The following EPS8 variants were observed in gnomAD, a reference collection of about 807,000 sequenced individuals.
EPS8 encodes EGFR pathway substrate 8, signaling adaptor.
Under a neutral mutation model 103.8 loss-of-function variants are expected in EPS8, and 42 were observed. The ratio of observed to expected loss-of-function variants is 0.40; its 90% CI spans 0.32 to 0.52. The LOEUF (loss-of-function observed/expected upper bound fraction) is 0.52, where lower values mean the gene tolerates loss of function less well. Ranked by LOEUF, EPS8 falls within the 20% of genes least tolerant of loss-of-function variation. The probability of loss-of-function intolerance (pLI) is 0.40; values close to 1 mark genes in which losing one functional copy is unlikely to be tolerated. For synonymous variants in EPS8, 344 were observed against 344.6 expected (o/e 1.00, Z 0.02); for missense variants, 969 against 1,005.1 (o/e 0.96, Z 0.49).
chr12:15,639,099 T>C (rs561734423), intron 17 of EPS8, among the ~76,000 whole-genome samples: 2 of 152,212 alleles, frequency 1.3e-5, no homozygotes, highest in Non-Finnish European at 2.9e-5. Flanking sequence ...ACTTAAAATA[T>C]AAACTCTTGC....
At position 15,777,121 on chromosome 12, in the gene EPS8, T is replaced by C. The variant is rs1470228179; in HGVS notation, c.-22+12040A>G. On this transcript the variant is annotated intron_variant, in intron 1 of 20. Transcript: ENST00000281172. The surrounding 1 kb of genome is among the most constrained non-coding windows in gnomAD (Gnocchi z 4.7). ...TGGAGGAAGGACATTGGAGGTAAGA[T>C]GAAGTCACTTTTATATCTATTTTAA... Among the ~76,000 whole-genome samples, 2 of 152,150 alleles carry C rather than the reference T, an allele frequency of 1.3e-5. No homozygotes were observed. The highest frequency in any genetic ancestry group is 2.9e-5 in the Non-Finnish European group (2 of 68,018).
At chr12:15,659,345 TA>T (rs549176921) in intron 10 of EPS8, among the ~76,000 whole-genome samples, 28 of 151,698 alleles carry the variant, frequency 1.8e-4, no homozygotes, top group Non-Finnish European at 3.2e-4. Context: ...AAAGCAGGGT[TA>T]AAAAAAATGA....
intron 1 of EPS8, among the ~76,000 whole-genome samples, chr12:15,788,647 C>T (rs987255003): frequency 6.6e-6 from 1 of 152,138 alleles, no homozygotes; most frequent in Non-Finnish European, 1.5e-5. Flanking sequence ...TAGGCATTGA[C>T]AACGATTCCG....
In EPS8 at chr12:15,757,636, A is replaced by AAAAAAG. The variant is rs1004582495; in HGVS notation, c.-22+31519_-22+31524dup. Among the ~76,000 whole-genome samples the AAAAAAG allele has an allele frequency of 7.2e-5, 11 of 152,178 alleles. No individual in the cohort carries two copies. The highest frequency in any genetic ancestry group is 6.8e-3 in the Middle Eastern group (2 of 294). ...AGAGCGAGACTCCGTCTGAAGAAAAAAAAAAGAAAAAGAAAAAGAAAAAGA... is the reference window on the plus strand; with the variant it reads ...AGAGCGAGACTCCGTCTGAAGAAAAAAAAAAGAAAAAGAAAAAGAAAAAGAAAAAGA... On this transcript the variant is annotated intron_variant, in intron 1 of 20. Transcript: ENST00000281172. This position sits in a 1 kb window ranked among gnomAD's most constrained non-coding sequence, Gnocchi z 4.1.
At chr12:15,668,940 G>A (rs548415568) in intron 6 of EPS8, among the ~76,000 whole-genome samples, 3 of 152,278 alleles carry the variant, frequency 2.0e-5, no homozygotes, top group Non-Finnish European at 2.9e-5. Flanking sequence ...TGCCCAGGCT[G>A]GAGTGCAGAG....
Position 15,725,159 on chromosome 12 carries a change from A to C in EPS8, c.-21-42187T>G, listed in dbSNP as rs1441975104. ...ACCAGTCCACAGATCTGTGTCAATA[A>C]ATCAGGATAAGCCAGCAAATCTGAT... is the stretch of plus-strand genomic sequence containing the variant. On this transcript the variant is annotated intron_variant, in intron 1 of 20. Coordinates refer to ENST00000281172, the MANE Select transcript of EPS8 (RefSeq NM_004447.6). This position sits in a 1 kb window ranked among gnomAD's most constrained non-coding sequence, Gnocchi z 4.5. Among the ~76,000 whole-genome samples the C allele has an allele frequency of 1.3e-5, 2 of 152,172 alleles. No individual in the cohort carries two copies. The highest frequency in any genetic ancestry group is 4.8e-5 in the African/African-American group (2 of 41,436).
intron 6 of EPS8, among the ~76,000 whole-genome samples, 182 bp from the exon 7 acceptor site, chr12:15,666,704 T>C (rs752297833): frequency 2.6e-5 from 4 of 152,216 alleles, no homozygotes; most frequent in African/African-American, 4.8e-5. Context: ...AACTATATAA[T>C]GATAAGATTT....
At position 15,749,640 on chromosome 12, in the gene EPS8, T is replaced by C. The variant is rs1051849856; in HGVS notation, c.-22+39521A>G. On this transcript the variant is annotated intron_variant, in intron 1 of 20. Coordinates refer to ENST00000281172, the MANE Select transcript of EPS8 (RefSeq NM_004447.6). This position sits in a 1 kb window ranked among gnomAD's most constrained non-coding sequence, Gnocchi z 4.0. ...ATGATGACAATAACCATTATGATAG[T>C]GGTAGTGGTAGGAAGAAAAATTAAC... 1.3e-5 allele frequency among the ~76,000 whole-genome samples: 2 copies of C among 152,144 alleles called. No individual in the cohort carries two copies. Among genetic ancestry groups the C allele is most frequent in the Admixed American group, 6.5e-5 (1 of 15,270 alleles).
intron 1 of EPS8, among the ~76,000 whole-genome samples, chr12:15,711,781 G>T (rs1472166138): frequency 6.6e-6 from 1 of 152,068 alleles, no homozygotes; most frequent in Non-Finnish European, 1.5e-5. Context: ...GTATATAAGG[G>T]TCTTAAGAAA....
chr12:15,726,938 A>G (rs1591900199), intron 1 of EPS8, among the ~76,000 whole-genome samples: 1 of 152,348 alleles, frequency 6.6e-6, no homozygotes, highest in South Asian at 2.1e-4. Flanking sequence ...TATTTTCATT[A>G]CTGAAAGTTA....
At position 15,697,665 on chromosome 12, in the gene EPS8, A is replaced by G. The variant is rs76682728; in HGVS notation, c.-21-14693T>C. ...TTTTACCCAAAAATCACATGCTCAC[A>G]TGACCTCTAAAAAGAACTACATGGA... is the stretch of plus-strand genomic sequence containing the variant. On this transcript the variant is annotated intron_variant, in intron 1 of 20. Transcript: ENST00000281172. The surrounding 1 kb of genome is among the most constrained non-coding windows in gnomAD (Gnocchi z 5.6). Among the ~76,000 whole-genome samples, 264 of 152,358 alleles carry G rather than the reference A, an allele frequency of 1.7e-3. 10 individuals are homozygous for G. The East Asian group carries it at 0.048, about 28-fold the overall frequency.
chr12:15,705,130 A>G lies in EPS8; in HGVS notation c.-21-22158T>C, dbSNP rs539112616. ...CTGGTCTAGTTTTATACCAACTCCT[A>G]TTTTCTGGTCCAGTTCTAACATTAT... On this transcript the variant is annotated intron_variant, in intron 1 of 20. Coordinates refer to ENST00000281172, the MANE Select transcript of EPS8 (RefSeq NM_004447.6). Among the ~76,000 whole-genome samples, 25 of 152,162 alleles carry G rather than the reference A, an allele frequency of 1.6e-4. No homozygotes were observed. In the South Asian group the frequency reaches 5.2e-3, roughly 32 times the overall value.
intron 1 of EPS8, among the ~76,000 whole-genome samples, chr12:15,774,567 TATATATATACACATATAA>T (rs1466537460): frequency 2.7e-5 from 4 of 148,292 alleles, no homozygotes; most frequent in Non-Finnish European, 5.9e-5. Context: ...TATACATATA[TATATATATACACATATAA>T]ATATATATGT....
At chr12:15,707,630 C>T (rs1050512631) in intron 1 of EPS8, among the ~76,000 whole-genome samples, 1 of 151,802 alleles carries the variant, frequency 6.6e-6, no homozygotes. Flanking sequence ...TATCGCCTTG[C>T]TCTTCCCTCT....
rs1591873728 is a variant in EPS8, at chr12:15,702,012, G to C, written c.-21-19040C>G. On this transcript the variant is annotated intron_variant, in intron 1 of 20. Transcript: ENST00000281172. The surrounding 1 kb of genome is among the most constrained non-coding windows in gnomAD (Gnocchi z 5.1). ...ATTTATAACTGGTTCATGGAAACTA[G>C]TTTAAATATTAAATGACTACACATG... 1.3e-5 allele frequency among the ~76,000 whole-genome samples: 2 copies of C among 152,192 alleles called. No homozygotes were observed. The highest frequency in any genetic ancestry group is 3.8e-4 in the East Asian group (2 of 5,198).
At position 15,706,141 on chromosome 12, in the gene EPS8, G is replaced by A. The variant is rs1361336630; in HGVS notation, c.-21-23169C>T. On this transcript the variant is annotated intron_variant, in intron 1 of 20. Coordinates refer to ENST00000281172, the MANE Select transcript of EPS8 (RefSeq NM_004447.6). This position sits in a 1 kb window ranked among gnomAD's most constrained non-coding sequence, Gnocchi z 5.2. ...TCTCTCTAATTCTGCAAACCAGTAT[G>A]GTAAACATCTTGTAAAATGGTCCCT... is the stretch of plus-strand genomic sequence containing the variant. 6.6e-6 allele frequency among the ~76,000 whole-genome samples: 1 copy of A among 152,028 alleles called. No homozygotes were observed. The highest frequency in any genetic ancestry group is 1.5e-5 in the Non-Finnish European group (1 of 68,028).
rs898481169 is a variant in EPS8 at position 15,777,936 on chromosome 12, T to C, written c.-22+11225A>G. Reference sequence around the variant, plus strand: ...CAAAGTTTATGGATGTTGTACTAACTGGGACTGAAACTTTTTGTTTCAACA... The same window carrying C: ...CAAAGTTTATGGATGTTGTACTAACCGGGACTGAAACTTTTTGTTTCAACA... On this transcript the variant is annotated intron_variant, in intron 1 of 20. Coordinates refer to ENST00000281172, the MANE Select transcript of EPS8 (RefSeq NM_004447.6). The surrounding 1 kb of genome is among the most constrained non-coding windows in gnomAD (Gnocchi z 4.7). Among the ~76,000 whole-genome samples the C allele has an allele frequency of 6.6e-5, 10 of 152,204 alleles. No individual in the cohort carries two copies. The highest frequency in any genetic ancestry group is 8.8e-5 in the Non-Finnish European group (6 of 68,036).
chr12:15,689,378 A>C (rs1946141325), intron 1 of EPS8, among the ~76,000 whole-genome samples: 1 of 152,306 alleles, frequency 6.6e-6, no homozygotes, highest in African/African-American at 2.4e-5. Flanking sequence ...ATGCTAAATT[A>C]GTACAGCTCA....
Position 15,767,215 on chromosome 12 carries a change from T to C in EPS8, c.-22+21946A>G, listed in dbSNP as rs1947107606. 6.6e-6 allele frequency among the ~76,000 whole-genome samples: 1 copy of C among 152,304 alleles called. No homozygotes were observed. The highest frequency in any genetic ancestry group is 2.1e-4 in the South Asian group (1 of 4,832). Reference sequence around the variant, plus strand: ...AATAATATTGTTCAAAATATATCAATGTTAATAAGAAGTTTACAAATTGGA... The same window carrying C: ...AATAATATTGTTCAAAATATATCAACGTTAATAAGAAGTTTACAAATTGGA... On this transcript the variant is annotated intron_variant, in intron 1 of 20. Transcript: ENST00000281172. The surrounding 1 kb of genome is among the most constrained non-coding windows in gnomAD (Gnocchi z 5.5).
Sources: gnomAD v4.1 joint callset for allele counts (sites outside exome capture counted in the v4.1 genomes callset) on GRCh38, gnomAD v4.1.1 for gene constraint, Gnocchi (gnomAD v3.1) non-coding constraint, MANE v1.5 for transcripts, NCBI Gene and HGNC (gene_info 2026-07-23, HGNC 2026-07-21) for gene names.